Variants in AR observed in about 807,000 individuals in gnomAD.
The protein encoded by AR is dihydrotestosterone receptor.
A neutral mutation model predicts 53.9 loss-of-function variants in AR; 8 were observed. The observed-to-expected ratio is 0.15, with a 90% CI of 0.09 to 0.27. The LOEUF is 0.27. Ranked by LOEUF, AR falls within the 10% of genes least tolerant of loss-of-function variation. The probability of loss-of-function intolerance (pLI) is 1.00; values close to 1 mark genes in which losing one functional copy is unlikely to be tolerated. For synonymous variants in AR, 359 were observed against 316.4 expected, an observed-to-expected ratio of 1.13 and a Z score of -1.43; for missense variants, 639 against 742.5, an observed-to-expected ratio of 0.86 and a Z score of 1.62.
chrX:67,644,902 C>G (rs984590468), intron 2 of AR, among the ~76,000 whole-genome samples: 4 of 111,365 alleles, frequency 3.6e-5, no homozygotes, highest in Non-Finnish European at 7.5e-5. Context: ...CCTAAAGAGC[C>G]TGAGAGCAGT....
At chrX:67,689,529 C>G (rs992226936) in intron 3 of AR, 66 of 942,677 alleles carry the variant, frequency 7.0e-5, no homozygotes, top group East Asian at 1.6e-4. Flanking sequence ...CCAGGCCTAC[C>G]TACCTGTTTC....
At chrX:67,641,429 G>C (rs928366601) in intron 1 of AR, among the ~76,000 whole-genome samples, 1 of 112,130 alleles carries the variant, frequency 8.9e-6, no homozygotes, top group Admixed American at 9.5e-5. Flanking sequence ...AGGTACTTGT[G>C]AAAATTTTCT....
intron 6 of AR, among the ~76,000 whole-genome samples, chrX:67,722,405 G>A (rs1334769575): frequency 8.9e-6 from 1 of 111,867 alleles, no homozygotes; most frequent in Non-Finnish European, 1.9e-5. Context: ...GATTTGTATG[G>A]CAGCCAAGGA....
intron 1 of AR, among the ~76,000 whole-genome samples, chrX:67,609,266 AGTTATTAG>A (rs1365661628): frequency 9.0e-6 from 1 of 111,239 alleles, no homozygotes; most frequent in African/African-American, 3.3e-5. Flanking sequence ...TCAAAAGTGG[AGTTATTAG>A]GTCAAAGAGC....
chrX:67,553,726 A>C (rs780284812), intron 1 of AR, among the ~76,000 whole-genome samples: 32 of 112,376 alleles, frequency 2.8e-4, no homozygotes, highest in African/African-American at 1.0e-3. Context: ...CCTTTTGTCA[A>C]CAATTTTTAT....
chrX:67,685,887 T>G (rs2075963629), intron 2 of AR, 123 bp from the exon 3 acceptor site: 3 of 1,036,594 alleles, frequency 2.9e-6, no homozygotes, highest in Non-Finnish European at 3.9e-6. Flanking sequence ...GGTGCCATAC[T>G]CTGTCCACTT....
chrX:67,660,044 C>G (rs1250168844), intron 2 of AR, among the ~76,000 whole-genome samples: 2 of 111,866 alleles, frequency 1.8e-5, no homozygotes, highest in East Asian at 5.6e-4. Flanking sequence ...ATCCTTTGCC[C>G]ACTTTTTGAT....
rs1381715821 is a variant in AR at position 67,546,246 on chromosome X, T to G, written c.1100T>G (p.Phe367Cys). The G allele has an allele frequency of 8.3e-7, 1 of 1,210,163 alleles. No individual in the cohort carries two copies. The highest frequency in any genetic ancestry group is 1.1e-6 in the Non-Finnish European group (1 of 895,011). Residue 367 changes from phenylalanine (F) to cysteine (C), a missense_variant, in exon 1 of 8, where the codon TTT (phenylalanine) becomes TGT (cysteine). Phe to Cys is a radical substitution (Grantham distance 205). Around this residue, in one of 5 missense-constraint regions of AR, gnomAD observed 423 missense variants for 377.0 expected, o/e 1.12. Transcript: ENST00000374690. The part of the protein sequence containing the change: ...AAYQSRDYYN[F>C]PLALAGPPPP... ...TACCAGAGTCGCGACTACTACAACTTTCCACTGGCTCTGGCCGGACCGCCG... is the reference window on the plus strand; with the variant it reads ...TACCAGAGTCGCGACTACTACAACTGTCCACTGGCTCTGGCCGGACCGCCG...
chrX:67,550,055 G>A (rs764706854), intron 1 of AR, among the ~76,000 whole-genome samples: 20 of 111,742 alleles, frequency 1.8e-4, no homozygotes, highest in Non-Finnish European at 3.8e-4. Context: ...TCAGCAAATA[G>A]GTGGTGAGTT....
chrX:67,550,657 A>T (rs1233779619), intron 1 of AR, among the ~76,000 whole-genome samples: 1 of 55,757 alleles, frequency 1.8e-5, no homozygotes, highest in Non-Finnish European at 2.8e-5. Context: ...TCTGAAAAAT[A>T]AAAAAAAAAA....
chrX:67,707,969 C>T (rs1294941719), intron 3 of AR, among the ~76,000 whole-genome samples: 3 of 112,042 alleles, frequency 2.7e-5, no homozygotes, highest in East Asian at 2.8e-4. Flanking sequence ...TGAATATTGG[C>T]CCCCACTCTC....
intron 1 of AR, among the ~76,000 whole-genome samples, chrX:67,619,064 T>C (rs1158768487): frequency 9.0e-6 from 1 of 111,731 alleles, no homozygotes; most frequent in Non-Finnish European, 1.9e-5. Context: ...CAGAAGAGTC[T>C]GCTAACTGAA....
At chrX:67,576,706 G>T (rs1922061882) in intron 1 of AR, among the ~76,000 whole-genome samples, 1 of 110,804 alleles carries the variant, frequency 9.0e-6, no homozygotes, top group African/African-American at 3.3e-5. Context: ...GGTGTTTGGA[G>T]CTGGTGTGCT....
chrX:67,652,336 C>A (rs1285310808), intron 2 of AR, among the ~76,000 whole-genome samples: 1 of 111,711 alleles, frequency 9.0e-6, no homozygotes, highest in African/African-American at 3.3e-5. Context: ...TAAGCACATT[C>A]CTACAGGTCA....
intron 3 of AR, among the ~76,000 whole-genome samples, chrX:67,704,886 C>T (rs1182066722): frequency 8.9e-6 from 1 of 111,829 alleles, no homozygotes. Flanking sequence ...TTCACAGCAC[C>T]ATTTGTTAAA....
intron 1 of AR, among the ~76,000 whole-genome samples, chrX:67,592,488 G>A (rs1267019753): frequency 1.8e-5 from 2 of 110,797 alleles, no homozygotes; most frequent in African/African-American, 6.5e-5. Flanking sequence ...TATCTCTGTT[G>A]TATAAAAACA....
At chrX:67,581,024 G>C (rs185347799) in intron 1 of AR, among the ~76,000 whole-genome samples, 2 of 112,079 alleles carry the variant, frequency 1.8e-5, no homozygotes, top group Non-Finnish European at 3.8e-5. Context: ...AATCATTAAT[G>C]AATCTTTAAA....
chrX:67,717,667 G>A (rs2147531353), intron 5 of AR, 45 bp downstream of exon 5: 1 of 1,202,405 alleles, frequency 8.3e-7, no homozygotes, highest in South Asian at 1.8e-5. Flanking sequence ...ACAGCAGCTT[G>A]GCCAGACCTG....
At chrX:67,697,489 C>T (rs754935549) in intron 3 of AR, among the ~76,000 whole-genome samples, 2 of 111,689 alleles carry the variant, frequency 1.8e-5, no homozygotes, top group Admixed American at 9.5e-5. Flanking sequence ...AACCTGCCAG[C>T]ATGACTCTCA....
Sources: allele counts gnomAD v4.1 joint callset (sites outside exome capture counted in the v4.1 genomes callset), GRCh38; gene constraint gnomAD v4.1.1; regional missense constraint gnomAD v4.1.1; transcripts MANE v1.5; gene names NCBI Gene and HGNC (gene_info 2026-07-23, HGNC 2026-07-21).